The following ABCA13 variants were observed in gnomAD, a reference collection of about 807,000 sequenced individuals.
ABCA13 encodes ATP binding cassette subfamily A member 13.
ABCA13 carries 476 observed loss-of-function variants against 478.7 expected under a neutral mutation model. The observed-to-expected ratio is 0.99, with a 90% confidence interval of 0.92 to 1.07. The LOEUF (loss-of-function observed/expected upper bound fraction) is 1.07, where lower values mean the gene tolerates loss of function less well. Ranked by LOEUF, ABCA13 falls within the 50% of genes least tolerant of loss-of-function variation. ABCA13 has a pLI of 0.00. For missense variants in ABCA13, 6,060 were observed against 5,910.6 expected, an observed-to-expected ratio of 1.03 and a Z score of -0.83; for synonymous variants, 2,252 against 2,158.9, an observed-to-expected ratio of 1.04 and a Z score of -1.20.
intron 23 of ABCA13, among the ~76,000 whole-genome samples, chr7:48,308,559 T>G (rs528475494): frequency 6.6e-6 from 1 of 152,272 alleles, no homozygotes; most frequent in East Asian, 1.9e-4. Flanking sequence ...TACGCCAGGC[T>G]ACAACACTAC....
rs187775677 is a variant in ABCA13 at position 48,487,933 on chromosome 7, T to G, written c.13183-1303T>G. Among the ~76,000 whole-genome samples the G allele has an allele frequency of 1.9e-3, 291 of 152,354 alleles. 3 individuals are homozygous for G. The highest frequency in any genetic ancestry group is 0.015 in the South Asian group (73 of 4,826). ...ACTTTTCCATCAAAGGAACTTGGAATTTACCCTACTTTGGAGAATTGTGTC... is the reference window on the plus strand; with the variant it reads ...ACTTTTCCATCAAAGGAACTTGGAAGTTACCCTACTTTGGAGAATTGTGTC... On this transcript the variant is annotated intron_variant, in intron 47 of 61. Coordinates refer to ENST00000435803, the MANE Select transcript of ABCA13 (RefSeq NM_152701.5).
At chr7:48,398,076 T>C (rs1585151238) in intron 38 of ABCA13, among the ~76,000 whole-genome samples, 1 of 152,206 alleles carries the variant, frequency 6.6e-6, no homozygotes, top group East Asian at 1.9e-4. Flanking sequence ...GTTTGTACTA[T>C]TGAAAGCTGT....
intron 15 of ABCA13, among the ~76,000 whole-genome samples, chr7:48,253,012 T>G (rs1213546915): frequency 6.6e-6 from 1 of 152,224 alleles, no homozygotes; most frequent in Non-Finnish European, 1.5e-5. Flanking sequence ...AAATCTTTTC[T>G]GAAGATGTGT....
intron 24 of ABCA13, among the ~76,000 whole-genome samples, chr7:48,310,418 C>T (rs1801597287): frequency 6.6e-6 from 1 of 152,152 alleles, no homozygotes; most frequent in South Asian, 2.1e-4. Flanking sequence ...TCTCCATGCT[C>T]ATTGTGGAAG....
chr7:48,554,213 T>C (rs1427270311), intron 55 of ABCA13, among the ~76,000 whole-genome samples: 1 of 152,092 alleles, frequency 6.6e-6, no homozygotes, highest in Non-Finnish European at 1.5e-5. Flanking sequence ...TACCATGCTG[T>C]TTTGGTTACT....
At chr7:48,401,855 A>C (rs2129071872) in intron 38 of ABCA13, among the ~76,000 whole-genome samples, 1 of 152,258 alleles carries the variant, frequency 6.6e-6, no homozygotes, top group African/African-American at 2.4e-5. Context: ...CCTCCACTAA[A>C]AACAGAAGTA....
rs771949085 is a variant in ABCA13 at position 48,274,757 on chromosome 7, T to C, written c.5091T>C (p.Ser1697=). 6.2e-7 allele frequency: 1 copy of C among 1,613,990 alleles called. No homozygotes were observed. Among genetic ancestry groups the C allele is most frequent in the South Asian group, 1.1e-5 (1 of 91,084 alleles). Residue 1697 remains serine, a synonymous_variant, in exon 17 of 62, where the codon AGT becomes AGC. Coordinates refer to ENST00000435803, the MANE Select transcript of ABCA13 (RefSeq NM_152701.5). The part of the protein sequence containing the change: ...VNLMDFFKNI[S]SVGTGNLVVN... ...TAATGGATTTCTTTAAGAATATCAG[T>C]AGTGTGGGAACTGGCAATTTAGTGG... is the stretch of plus-strand genomic sequence containing the variant.
At chr7:48,440,463 C>T (rs1823428086) in intron 42 of ABCA13, among the ~76,000 whole-genome samples, 1 of 152,118 alleles carries the variant, frequency 6.6e-6, no homozygotes, top group Non-Finnish European at 1.5e-5. Context: ...CTGCATATAT[C>T]ATAATTGGTC....
chr7:48,276,518 A>C lies in ABCA13; in HGVS notation c.6852A>C (p.Ile2284=). Reference sequence around the variant, plus strand: ...TAAAGGAAGATTCTGAGAACAAAATATCTCTTCTGCTGAAATATTTCCACA... The same window carrying C: ...TAAAGGAAGATTCTGAGAACAAAATCTCTCTTCTGCTGAAATATTTCCACA... The part of the protein sequence containing the change: ...LFLKEDSENK[I]SLLLKYFHKD... The change falls in exon 17 of 62, where the codon ATA becomes ATC. Residue 2284 remains isoleucine, a synonymous_variant. Coordinates refer to ENST00000435803, the MANE Select transcript of ABCA13 (RefSeq NM_152701.5). The C allele has an allele frequency of 1.9e-6, 3 of 1,611,306 alleles. No homozygotes were observed. Among genetic ancestry groups the C allele is most frequent in the Non-Finnish European group, 2.5e-6 (3 of 1,179,384 alleles).
intron 59 of ABCA13, among the ~76,000 whole-genome samples, chr7:48,625,806 CAG>C (rs1461420318): frequency 6.6e-6 from 1 of 152,238 alleles, no homozygotes; most frequent in East Asian, 1.9e-4. Context: ...TAAGAATAAA[CAG>C]AATGCTTTTC....
At chr7:48,441,605 T>C (rs1048723448) in intron 42 of ABCA13, among the ~76,000 whole-genome samples, 1 of 152,204 alleles carries the variant, frequency 6.6e-6, no homozygotes, top group Non-Finnish European at 1.5e-5. Flanking sequence ...TGCACTTTTG[T>C]CCTTGTCTCT....
chr7:48,357,363 A>T (rs1428730065), intron 31 of ABCA13, among the ~76,000 whole-genome samples: 7 of 151,892 alleles, frequency 4.6e-5, no homozygotes, highest in Admixed American at 4.6e-4. Context: ...AGCTGCTGGA[A>T]GCCCCCTCTG....
At chr7:48,409,370 C>T (rs1818688293) in intron 39 of ABCA13, among the ~76,000 whole-genome samples, 2 of 152,166 alleles carry the variant, frequency 1.3e-5, no homozygotes, top group African/African-American at 4.8e-5. Flanking sequence ...AGTCGTAAAA[C>T]TTGACAAGAT....
At chr7:48,224,065 G>C (rs1281887335) in intron 5 of ABCA13, among the ~76,000 whole-genome samples, 1 of 152,032 alleles carries the variant, frequency 6.6e-6, no homozygotes, top group Non-Finnish European at 1.5e-5. Context: ...GTGAAGTATG[G>C]GGTGGAAGCT....
chr7:48,522,282 G>T (rs2130988612), intron 53 of ABCA13, among the ~76,000 whole-genome samples: 1 of 152,304 alleles, frequency 6.6e-6, no homozygotes, highest in Middle Eastern at 3.4e-3. Flanking sequence ...TGAGTGCTGA[G>T]ATCCCACTTC....
chr7:48,280,402 A>T (rs1796878658), intron 18 of ABCA13, among the ~76,000 whole-genome samples: 1 of 152,154 alleles, frequency 6.6e-6, no homozygotes, highest in Non-Finnish European at 1.5e-5. Context: ...CACGTGGTTG[A>T]TCCACCTCCA....
At chr7:48,496,063 G>T (rs1830249025) in intron 48 of ABCA13, among the ~76,000 whole-genome samples, 1 of 152,002 alleles carries the variant, frequency 6.6e-6, no homozygotes, top group South Asian at 2.1e-4. Context: ...GCCTATCTCT[G>T]CCTTTTAATT....
At chr7:48,348,200 G>A (rs1435608096) in intron 29 of ABCA13, among the ~76,000 whole-genome samples, 1 of 152,228 alleles carries the variant, frequency 6.6e-6, no homozygotes, top group Non-Finnish European at 1.5e-5. Flanking sequence ...CTGAGGGAAA[G>A]GCCTCACTGG....
At chr7:48,508,155 TC>T in intron 50 of ABCA13, 106 bp downstream of exon 50, 1 of 1,415,880 alleles carries the variant, frequency 7.1e-7, no homozygotes, top group Non-Finnish European at 9.7e-7. Context: ...CCTTGGAGTG[TC>T]CACAAAAAGG....
Sources: gnomAD v4.1 joint callset for allele counts (sites outside exome capture counted in the v4.1 genomes callset) on GRCh38, gnomAD v4.1.1 for gene constraint, MANE v1.5 for transcripts, NCBI Gene and HGNC (gene_info 2026-07-23, HGNC 2026-07-21) for gene names.